C10orf90: variants seen among roughly 807,000 people sequenced by gnomAD.
The protein encoded by C10orf90 is (E2-independent) E3 ubiquitin-conjugating enzyme FATS.
In C10orf90, 56 loss-of-function variants were observed where a neutral mutation model predicts 62.5. The observed-to-expected ratio is 0.90, with a 90% CI of 0.72 to 1.12. C10orf90 has a LOEUF of 1.12. C10orf90 is among the 50% of genes most tolerant of loss of function. The pLI, the probability that C10orf90 is intolerant of heterozygous loss-of-function variation, is 0.00. For synonymous variants in C10orf90, 386 were observed against 340.4 expected, an observed-to-expected ratio of 1.13 and a Z score of -1.47; for missense variants, 970 against 880.4, an observed-to-expected ratio of 1.10 and a Z score of -1.29.
At chr10:126,536,080 G>A (rs1419133442) in intron 2 of C10orf90, among the ~76,000 whole-genome samples, 1 of 152,168 alleles carries the variant, frequency 6.6e-6, no homozygotes, top group Non-Finnish European at 1.5e-5. Context: ...GCAAGATTTG[G>A]GTCTCCCAGG....
chr10:126,429,824 A>T lies in C10orf90; in HGVS notation c.2215T>A (p.Cys739Ser), dbSNP rs113073139. The T allele has an allele frequency of 6.8e-6, 11 of 1,614,132 alleles. No homozygotes were observed. Among genetic ancestry groups the T allele is most frequent in the African/African-American group, 2.7e-5 (2 of 75,046 alleles). ...ATATGCATCTCCTTCTCTGAAATGC[A>T]CCGTTCTTTGGGTTTGAACAAGTTA... ...SDNLFKPKER[C>S]ISEKEMHMRS... The change falls in exon 8 of 10, where the codon TGC becomes AGC. Residue 739 changes from cysteine (C) to serine (S), a missense_variant. By Grantham distance (112) the Cys-to-Ser change is moderately radical. Coordinates refer to ENST00000488181, the MANE Select transcript of C10orf90 (RefSeq NM_001350921.2).
At chr10:126,619,101 C>T (rs757537403) in intron 2 of C10orf90, among the ~76,000 whole-genome samples, 6 of 152,120 alleles carry the variant, frequency 3.9e-5, no homozygotes, top group South Asian at 2.1e-4. Flanking sequence ...TACTTCTTTG[C>T]GCTGGTTTTC....
At chr10:126,653,655 A>G (rs1326623356) in intron 1 of C10orf90, among the ~76,000 whole-genome samples, 2 of 152,196 alleles carry the variant, frequency 1.3e-5, no homozygotes, top group African/African-American at 4.8e-5. Context: ...ACTCCTGTTA[A>G]TGTGCTATTT....
intron 2 of C10orf90, among the ~76,000 whole-genome samples, chr10:126,587,068 C>T (rs1465995394): frequency 6.6e-6 from 1 of 152,128 alleles, no homozygotes; most frequent in Non-Finnish European, 1.5e-5. Flanking sequence ...GGGGCTGGCT[C>T]TGAGGTTTCA....
intron 7 of C10orf90, among the ~76,000 whole-genome samples, chr10:126,457,235 C>T (rs1859644038): frequency 6.6e-6 from 1 of 152,200 alleles, no homozygotes; most frequent in Non-Finnish European, 1.5e-5. Context: ...GAGATCCACC[C>T]ATCTTGGCCT....
At chr10:126,613,971 C>T (rs1237976505) in intron 2 of C10orf90, among the ~76,000 whole-genome samples, 1 of 152,194 alleles carries the variant, frequency 6.6e-6, no homozygotes, top group African/African-American at 2.4e-5. Context: ...AAAACTGAGG[C>T]TCCATGAATC....
At position 126,461,391 on chromosome 10, in the gene C10orf90, A is replaced by AAG. The variant is rs1233351452; in HGVS notation, c.2010+8_2010+9dup. The stretch of plus-strand genomic sequence containing the variant: ...GCAGGAATCAAGCCAGGACACACAG[A>AAG]AGGCCTTACTTGCAAGGTCAAAGAT... On this transcript the variant is annotated intron_variant, in intron 6 of 9. Transcript: ENST00000488181. The AAG allele has an allele frequency of 6.2e-7, 1 of 1,613,684 alleles. No individual in the cohort carries two copies.
chr10:126,551,370 C>G (rs1359164238), intron 2 of C10orf90, among the ~76,000 whole-genome samples: 1 of 152,228 alleles, frequency 6.6e-6, no homozygotes, highest in Non-Finnish European at 1.5e-5. Flanking sequence ...AGCTCCTCCC[C>G]CACTAGACTG....
chr10:126,485,147 CTTTA>C (rs1861362119), intron 4 of C10orf90, among the ~76,000 whole-genome samples: 1 of 152,112 alleles, frequency 6.6e-6, no homozygotes, highest in Non-Finnish European at 1.5e-5. Flanking sequence ...GGATTAGTGA[CTTTA>C]TAAGCAGCAG....
rs1863246429 is a variant in C10orf90 at position 126,513,323 on chromosome 10, G to C, written c.405+525C>G. Among the ~76,000 whole-genome samples, 3 of 152,324 alleles carry C rather than the reference G, an allele frequency of 2.0e-5. No homozygotes were observed. The South Asian group carries it at 6.2e-4, about 32-fold the overall frequency. On this transcript the variant is annotated intron_variant, in intron 3 of 9. Coordinates refer to ENST00000488181, the MANE Select transcript of C10orf90 (RefSeq NM_001350921.2). ...TTAATATAAGAGCAGTACCTGTCTT[G>C]TGGGGCTATGGGAAGGATTAACTGC...
chr10:126,627,642 C>T (rs1249157029), intron 2 of C10orf90, among the ~76,000 whole-genome samples: 1 of 152,114 alleles, frequency 6.6e-6, no homozygotes, highest in Non-Finnish European at 1.5e-5. Flanking sequence ...TACCTTCTGG[C>T]AGTTAAAGGT....
At chr10:126,569,123 TAG>T (rs1844453102) in intron 2 of C10orf90, among the ~76,000 whole-genome samples, 1 of 151,944 alleles carries the variant, frequency 6.6e-6, no homozygotes, top group Non-Finnish European at 1.5e-5. Flanking sequence ...CTGGGAGCAG[TAG>T]TGGGGGGTTT....
chr10:126,596,225 C>T (rs1446923326), intron 2 of C10orf90, among the ~76,000 whole-genome samples: 1 of 151,548 alleles, frequency 6.6e-6, no homozygotes, highest in African/African-American at 2.4e-5. Context: ...AGCTCTTGAG[C>T]CCTGGAGGTC....
At chr10:126,614,643 T>C (rs905225414) in intron 2 of C10orf90, among the ~76,000 whole-genome samples, 3 of 152,126 alleles carry the variant, frequency 2.0e-5, no homozygotes, top group African/African-American at 7.2e-5. Flanking sequence ...CTCCATTTAT[T>C]TCTGCTATGC....
At chr10:126,512,933 A>C (rs554530962) in intron 3 of C10orf90, among the ~76,000 whole-genome samples, 2 of 152,340 alleles carry the variant, frequency 1.3e-5, no homozygotes, top group East Asian at 3.9e-4. Flanking sequence ...ATACGGAGCT[A>C]AATCAAAGTA....
At chr10:126,583,687 G>A in intron 2 of C10orf90, among the ~76,000 whole-genome samples, 1 of 152,180 alleles carries the variant, frequency 6.6e-6, no homozygotes, top group East Asian at 1.9e-4. Flanking sequence ...CAGCTGTCCG[G>A]AGTCTCTCTG....
At chr10:126,447,440 G>A (rs1000981337) in intron 7 of C10orf90, among the ~76,000 whole-genome samples, 3 of 152,174 alleles carry the variant, frequency 2.0e-5, no homozygotes, top group Middle Eastern at 6.8e-3. Context: ...AAGAGACAGA[G>A]TCATAATATA....
At chr10:126,538,982 T>C (rs2133964646) in intron 2 of C10orf90, among the ~76,000 whole-genome samples, 1 of 152,332 alleles carries the variant, frequency 6.6e-6, no homozygotes, top group Non-Finnish European at 1.5e-5. Flanking sequence ...CCTTGGCTGA[T>C]GGGCAAGAGA....
chr10:126,496,409 A>G (rs1862059587), intron 4 of C10orf90, among the ~76,000 whole-genome samples: 1 of 152,242 alleles, frequency 6.6e-6, no homozygotes, highest in Admixed American at 6.5e-5. Flanking sequence ...ATCAAGACTT[A>G]TCAAGAGATA....
Sources: allele counts gnomAD v4.1 joint callset (sites outside exome capture counted in the v4.1 genomes callset), GRCh38; gene constraint gnomAD v4.1.1; transcripts MANE v1.5; gene names NCBI Gene and HGNC (gene_info 2026-07-23, HGNC 2026-07-21).